ZNF618: variants seen among roughly 807,000 people sequenced by gnomAD.
ZNF618 encodes neural precursor cell expressed, developmentally down-regulated 10.
Under a neutral mutation model 103.0 loss-of-function variants are expected in ZNF618, and 34 were observed. The ratio of observed to expected loss-of-function variants is 0.33; its 90% CI spans 0.25 to 0.44. The LOEUF (loss-of-function observed/expected upper bound fraction) is 0.44. Among genes scored for constraint, ZNF618 ranks in the 20% least tolerant of loss-of-function variants. ZNF618 has a pLI of 1.00. For synonymous variants in ZNF618, 551 were observed against 542.2 expected (o/e 1.02, Z -0.23); for missense variants, 1,059 against 1,295.4 (o/e 0.82, Z 2.80).
Position 113,930,574 on chromosome 9 carries a change from G to A in ZNF618, c.34-38543G>A, listed in dbSNP as rs191250748. On this transcript the variant is annotated intron_variant, in intron 1 of 14. Coordinates refer to ENST00000374126, the MANE Select transcript of ZNF618 (RefSeq NM_001318042.2). Reference sequence around the variant, plus strand: ...TATTTTTAAGGCTGTTTCCCAGCATGTGGCCTGGTGCCCCGTGAAGATGAA... The same window carrying A: ...TATTTTTAAGGCTGTTTCCCAGCATATGGCCTGGTGCCCCGTGAAGATGAA... Among the ~76,000 whole-genome samples the A allele has an allele frequency of 2.1e-3, 323 of 152,356 alleles. 1 individual carries two copies. The highest frequency in any genetic ancestry group is 3.4e-3 in the Middle Eastern group (1 of 294).
chr9:113,895,353 G>A (rs922229827), intron 1 of ZNF618, among the ~76,000 whole-genome samples: 1 of 151,916 alleles, frequency 6.6e-6, no homozygotes, highest in Non-Finnish European at 1.5e-5. Context: ...TTGATCTGCC[G>A]ATGTGATGAA....
intron 10 of ZNF618, chr9:114,027,981 T>C (rs552862717): frequency 1.9e-4 from 29 of 152,106 alleles, no homozygotes; most frequent in Admixed American, 1.8e-3. Flanking sequence ...TGTGGCCAGG[T>C]TCAGGGGCTG....
Position 114,055,996 on chromosome 9 carries a change from A to G in ZNF618, c.*5829A>G, listed in dbSNP as rs1588482337. 1 of 151,200 alleles carries G rather than the reference A, an allele frequency of 6.6e-6. No individual in the cohort carries two copies. The highest frequency in any genetic ancestry group is 2.1e-4 in the South Asian group (1 of 4,740). The allele number at this position is 151,200 out of a possible 1,614,324, so 9.4% of individuals were successfully genotyped here. On this transcript the variant is annotated 3_prime_UTR_variant, in exon 15 of 15. Coordinates refer to ENST00000374126, the MANE Select transcript of ZNF618 (RefSeq NM_001318042.2). ...TATTTAAAAAAAAAAAAAGTTACCT[A>G]TTGTCACACTTGCTGTGTTAATTAA... is the stretch of plus-strand genomic sequence containing the variant.
chr9:114,031,724 T>G (rs1028852827), intron 11 of ZNF618, among the ~76,000 whole-genome samples: 1 of 152,204 alleles, frequency 6.6e-6, no homozygotes, highest in African/African-American at 2.4e-5. Context: ...TTGCGGAGCC[T>G]TTGATATCTT....
intron 1 of ZNF618, among the ~76,000 whole-genome samples, chr9:113,929,931 G>C (rs1196370849): frequency 6.6e-6 from 1 of 152,220 alleles, no homozygotes; most frequent in Non-Finnish European, 1.5e-5. Context: ...GACATTGTAT[G>C]AATAACCAGT....
intron 2 of ZNF618, among the ~76,000 whole-genome samples, chr9:113,972,112 A>G (rs185359059): frequency 6.6e-6 from 1 of 152,196 alleles, no homozygotes; most frequent in Non-Finnish European, 1.5e-5. Context: ...CAGTGGTGCA[A>G]TCTCTGCTCA....
intron 6 of ZNF618, among the ~76,000 whole-genome samples, chr9:114,006,365 C>G (rs564131677): frequency 2.0e-5 from 3 of 152,316 alleles, no homozygotes; most frequent in African/African-American, 4.8e-5. Flanking sequence ...CACCGGGCAG[C>G]CTTGAGCATA....
chr9:113,971,815 G>T (rs546477341), intron 2 of ZNF618, among the ~76,000 whole-genome samples: 1 of 152,096 alleles, frequency 6.6e-6, no homozygotes. Flanking sequence ...AGGGTGGCAC[G>T]TGAGACATTG....
chr9:114,044,870 G>T (rs1845521764), intron 13 of ZNF618, among the ~76,000 whole-genome samples: 1 of 151,826 alleles, frequency 6.6e-6, no homozygotes, highest in Non-Finnish European at 1.5e-5. Context: ...TCTTGATTTA[G>T]TTCTCAGCTT....
Position 114,049,843 on chromosome 9 carries a change from G to C in ZNF618, c.2541G>C (p.Glu847Asp). Residue 847 changes from glutamate to aspartate, a missense_variant, in exon 15 of 15, where the codon GAG becomes GAC. This residue lies in a region of ZNF618 where 156 missense variants were observed against 197.1 expected (regional missense o/e 0.79). Transcript: ENST00000374126. Reference protein sequence around the residue: ...KESWAEEADFEPAAKKPRSAA... With the variant: ...KESWAEEADFDPAAKKPRSAA... ...CCTGGGCCGAGGAGGCCGACTTCGA[G>C]CCCGCTGCCAAGAAGCCCCGCTCTG... 1 of 1,613,924 alleles carries C rather than the reference G, an allele frequency of 6.2e-7. No homozygotes were observed. Among genetic ancestry groups the C allele is most frequent in the East Asian group, 2.2e-5 (1 of 44,880 alleles).
intron 2 of ZNF618, among the ~76,000 whole-genome samples, chr9:113,975,521 G>A (rs1209914684): frequency 6.6e-6 from 1 of 152,174 alleles, no homozygotes; most frequent in Non-Finnish European, 1.5e-5. Context: ...TACAGATTGA[G>A]TATTCCTAAT....
chr9:113,948,261 C>G (rs767252415), intron 1 of ZNF618, among the ~76,000 whole-genome samples: 7 of 152,206 alleles, frequency 4.6e-5, no homozygotes, highest in Non-Finnish European at 7.3e-5. Context: ...CCAGGCAGAA[C>G]TGATTCCTCC....
chr9:113,936,512 G>A (rs871806), intron 1 of ZNF618, among the ~76,000 whole-genome samples: 72,699 of 152,096 alleles, frequency 0.48, 17,824 homozygotes, highest in Non-Finnish European at 0.53. Flanking sequence ...CAGGAGTGGG[G>A]ACCTTCTGCC....
At chr9:114,018,209 A>T (rs1564304787) in intron 10 of ZNF618, among the ~76,000 whole-genome samples, 1 of 152,170 alleles carries the variant, frequency 6.6e-6, no homozygotes, top group Non-Finnish European at 1.5e-5. Flanking sequence ...TCTTGTGTGG[A>T]GAGAGAGGAT....
intron 2 of ZNF618, among the ~76,000 whole-genome samples, chr9:113,979,674 G>T (rs995646353): frequency 7.2e-5 from 11 of 152,190 alleles, no homozygotes; most frequent in African/African-American, 2.4e-4. Flanking sequence ...CCTTTCCTGG[G>T]CTTGGTCCTT....
chr9:113,984,993 A>G (rs150902868), intron 2 of ZNF618, among the ~76,000 whole-genome samples: 3 of 152,346 alleles, frequency 2.0e-5, no homozygotes, highest in Admixed American at 1.3e-4. Flanking sequence ...CCTATGCCAC[A>G]TAAACTTGCA....
intron 6 of ZNF618, among the ~76,000 whole-genome samples, chr9:114,003,788 G>T (rs750025741): frequency 6.6e-6 from 1 of 152,200 alleles, no homozygotes; most frequent in Non-Finnish European, 1.5e-5. Context: ...GTGCACTTAG[G>T]ATTTGTACAC....
intron 12 of ZNF618, among the ~76,000 whole-genome samples, chr9:114,033,631 C>T (rs1297623415): frequency 2.0e-5 from 3 of 152,150 alleles, no homozygotes; most frequent in South Asian, 4.1e-4. Context: ...CCACCAGACC[C>T]GGGGTCAGCC....
At chr9:113,998,498 G>A (rs1314988813) in intron 4 of ZNF618, 144 bp downstream of exon 4, 2 of 707,708 alleles carry the variant, frequency 2.8e-6, no homozygotes, top group Non-Finnish European at 4.8e-6. Flanking sequence ...TTCATCCCCT[G>A]TCCTGGCTAC....
Sources: gnomAD v4.1 joint callset for allele counts (sites outside exome capture counted in the v4.1 genomes callset) on GRCh38, gnomAD v4.1.1 for gene constraint, gnomAD v4.1.1 regional missense constraint, MANE v1.5 for transcripts, NCBI Gene and HGNC (gene_info 2026-07-23, HGNC 2026-07-21) for gene names.